The following GAS6 variants were observed in gnomAD, a reference collection of about 807,000 sequenced individuals.
GAS6 encodes growth arrest specific 6, also known as growth arrest-specific protein 6.
GAS6 carries 41 observed loss-of-function variants against 75.8 expected under a neutral mutation model. The observed-to-expected ratio is 0.54, with a 90% confidence interval of 0.42 to 0.70. GAS6 has a LOEUF of 0.70. Among genes scored for constraint, GAS6 ranks in the 30% least tolerant of loss-of-function variants. GAS6 has a pLI of 0.00. For missense variants in GAS6, 854 were observed against 940.2 expected (o/e 0.91, Z 1.20); for synonymous variants, 432 against 412.6 (o/e 1.05, Z -0.57).
chr13:113,848,961 G>A lies in GAS6; in HGVS notation c.256-911C>T, dbSNP rs2051854147. Among the ~76,000 whole-genome samples the A allele has an allele frequency of 6.6e-6, 1 of 152,356 alleles. No homozygotes were observed. The highest frequency in any genetic ancestry group is 2.4e-5 in the African/African-American group (1 of 41,580). On this transcript the variant is annotated intron_variant, in intron 2 of 14. Transcript: ENST00000327773. The surrounding 1 kb of genome is among the most constrained non-coding windows in gnomAD (Gnocchi z 4.8). Reference sequence around the variant, plus strand: ...AGCATTTTGCAGAGTAGCAGACAGAGGCGGTAGGTACCCAGCGCCGTCTGC... The same window carrying A: ...AGCATTTTGCAGAGTAGCAGACAGAAGCGGTAGGTACCCAGCGCCGTCTGC...
chr13:113,828,466 G>C, intron 11 of GAS6, 81 bp downstream of exon 11: 1 of 1,434,884 alleles, frequency 7.0e-7, no homozygotes, highest in Non-Finnish European at 9.6e-7. Flanking sequence ...ACACAGGGCA[G>C]GGTGTGACTG....
chr13:113,846,646 G>A (rs2051836097), intron 3 of GAS6, 57 bp from the exon 4 acceptor site: 3 of 1,452,920 alleles, frequency 2.1e-6, no homozygotes, highest in South Asian at 2.3e-5. Flanking sequence ...ATGGACTGCA[G>A]AGCCTCTGCT....
In GAS6 at chr13:113,848,174, G is replaced by A. The variant is rs1020446457; in HGVS notation, c.256-124C>T. On this transcript the variant is annotated intron_variant, in intron 2 of 14. Coordinates refer to ENST00000327773, the MANE Select transcript of GAS6 (RefSeq NM_000820.4). This position sits in a 1 kb window ranked among gnomAD's most constrained non-coding sequence, Gnocchi z 4.8. ...GGGCAGCCAGAGGGCCGCCCCACCC[G>A]GGGAACTGAGGGGAAGTGACCGGGG... 12 of 928,422 alleles carry A rather than the reference G, an allele frequency of 1.3e-5. No individual in the cohort carries two copies. The highest frequency in any genetic ancestry group is 3.0e-5 in the South Asian group (2 of 67,726). The allele number at this position is 928,422 out of a possible 1,614,324, so 57.5% of individuals were successfully genotyped here. A position where few individuals can be genotyped will look rare whatever the true frequency, so the allele number is the denominator to read the frequency against.
At chr13:113,861,007 C>G (rs2051966928) in intron 2 of GAS6, among the ~76,000 whole-genome samples, 1 of 151,258 alleles carries the variant, frequency 6.6e-6, no homozygotes, top group Non-Finnish European at 1.5e-5. Flanking sequence ...GGTTAGCACA[C>G]AAGTGAGCCT....
Position 113,839,772 on chromosome 13 carries a change from A to G in GAS6, c.422T>C (p.Phe141Ser), listed in dbSNP as rs1387400476. The G allele has an allele frequency of 1.2e-6, 2 of 1,613,888 alleles. No individual in the cohort carries two copies. The highest frequency in any genetic ancestry group is 1.7e-6 in the Non-Finnish European group (2 of 1,180,004). ...QACQDLMGNF[F>S]CLCKAGWGGR... ...CCCCCAGCCAGCTTTACACAGGCAGAAGAAGTTGCCCATGAGGTCCTGGCA... is the reference window on the plus strand; with the variant it reads ...CCCCCAGCCAGCTTTACACAGGCAGGAGAAGTTGCCCATGAGGTCCTGGCA... Residue 141 changes from phenylalanine to serine, a missense_variant, in exon 5 of 15, where the codon TTC becomes TCC. Transcript: ENST00000327773.
chr13:113,821,243 C>T (rs2051453964), intron 14 of GAS6: 1 of 585,066 alleles, frequency 1.7e-6, no homozygotes, highest in Non-Finnish European at 3.1e-6. Flanking sequence ...GCCCTCCCTT[C>T]CCCGCTGGGA....
rs555027211 is a variant in GAS6 at position 113,820,848 on chromosome 13, C to T, written c.*16G>A. ...CTCGGACAGAGACTGAGAAGCCTGC[C>T]GCGTCCCGTGGGGGCCTAGGCTGCG... On this transcript the variant is annotated 3_prime_UTR_variant, in exon 15 of 15. Transcript: ENST00000327773. 43 of 1,605,792 alleles carry T rather than the reference C, an allele frequency of 2.7e-5. No individual in the cohort carries two copies. The highest frequency in any genetic ancestry group is 2.1e-4 in the Middle Eastern group (1 of 4,814).
chr13:113,842,324 G>C, intron 4 of GAS6: 2 of 350,828 alleles, frequency 5.7e-6, no homozygotes, highest in Non-Finnish European at 1.0e-5. Flanking sequence ...GTGTTTCTAA[G>C]ATGCTATTTT....
At chr13:113,850,952 T>C (rs1257215933) in intron 2 of GAS6, among the ~76,000 whole-genome samples, 1 of 152,042 alleles carries the variant, frequency 6.6e-6, no homozygotes, top group Non-Finnish European at 1.5e-5. Flanking sequence ...GACAGATGCA[T>C]GGATGGATAA....
At chr13:113,828,333 G>T (rs2051580770) in intron 11 of GAS6, among the ~76,000 whole-genome samples, 1 of 152,178 alleles carries the variant, frequency 6.6e-6, no homozygotes, top group African/African-American at 2.4e-5. Context: ...TATCAATTCA[G>T]ATGAAAACTT....
intron 2 of GAS6, among the ~76,000 whole-genome samples, chr13:113,860,885 G>A (rs370161951): frequency 7.9e-4 from 120 of 152,300 alleles, no homozygotes; most frequent in African/African-American, 2.7e-3. Flanking sequence ...TCCGCCTGCT[G>A]GAAGGTGGGG....
At position 113,842,245 on chromosome 13, in the gene GAS6, G is replaced by A. The variant is rs57033216; in HGVS notation, c.344-2395C>T. 853 of 182,844 alleles carry A rather than the reference G, an allele frequency of 4.7e-3. 77 individuals carry two copies. The highest frequency in any genetic ancestry group is 0.026 in the African/African-American group (824 of 32,066). The allele number at this position is 182,844 out of a possible 1,614,324, so 11.3% of individuals were successfully genotyped here. A position where few individuals can be genotyped will look rare whatever the true frequency, so the allele number is the denominator to read the frequency against. Reference sequence around the variant, plus strand: ...CCCACAGTTTCCTCCCTACACCTCCGTTTGCTTGTTTTGCACAAATGACTG... The same window carrying A: ...CCCACAGTTTCCTCCCTACACCTCCATTTGCTTGTTTTGCACAAATGACTG... On this transcript the variant is annotated intron_variant, in intron 4 of 14. Transcript: ENST00000327773.
In GAS6 at chr13:113,842,045, G is replaced by A. The variant is rs1256478398; in HGVS notation, c.344-2195C>T. The A allele has an allele frequency of 2.1e-4, 20 of 93,864 alleles. 3 individuals carry two copies. Among genetic ancestry groups the A allele is most frequent in the Admixed American group, 3.3e-4 (3 of 9,152 alleles). 5.8% of individuals were successfully genotyped at this position (93,864 alleles called of 1,614,324 possible). A position where few individuals can be genotyped will look rare whatever the true frequency, so the allele number is the denominator to read the frequency against. On this transcript the variant is annotated intron_variant, in intron 4 of 14. Transcript: ENST00000327773. Reference sequence around the variant, plus strand: ...CCATACGCCCCAGTTTCCTCCATACGCCTCAATTTCCTTTGTACGCCCCAG... The same window carrying A: ...CCATACGCCCCAGTTTCCTCCATACACCTCAATTTCCTTTGTACGCCCCAG...
At chr13:113,851,423 G>GTGAATGGATGGACAGATGAA (rs2051874495) in intron 2 of GAS6, among the ~76,000 whole-genome samples, 1 of 151,762 alleles carries the variant, frequency 6.6e-6, no homozygotes, top group Non-Finnish European at 1.5e-5. Context: ...GGGTGGATAG[G>GTGAATGGATGGACAGATGAA]TGAATGGATG....
At chr13:113,825,818 G>A (rs74649869) in intron 12 of GAS6, among the ~76,000 whole-genome samples, 235 of 141,896 alleles carry the variant, frequency 1.7e-3, no homozygotes, top group East Asian at 0.016. Flanking sequence ...TTTGACACCC[G>A]GGGGGAGACG....
intron 8 of GAS6, chr13:113,833,241 C>T: frequency 2.8e-6 from 3 of 1,060,192 alleles, no homozygotes; most frequent in Non-Finnish European, 2.3e-6. Flanking sequence ...GCCAGGCCTG[C>T]CCTGCCCACC....
intron 12 of GAS6, among the ~76,000 whole-genome samples, chr13:113,826,506 TCGCA>T (rs2051545270): frequency 1.7e-5 from 2 of 119,650 alleles, no homozygotes; most frequent in African/African-American, 3.1e-5. Flanking sequence ...GGCGCCGGCC[TCGCA>T]GGCACCTTCT....
In GAS6 at chr13:113,834,561, T is replaced by C. The variant is rs2138635184; in HGVS notation, c.824A>G (p.Asp275Gly). The C allele has an allele frequency of 1.3e-6, 2 of 1,590,594 alleles. No individual in the cohort carries two copies. The highest frequency in any genetic ancestry group is 2.3e-5 in the East Asian group (1 of 43,466). ...CCAGGGGCCGCCTACCTCACAGGTG[T>C]CCATGTCCTGGGACAGCTTGAGGCC... ...RGGLKLSQDM[D>G]TCEDILPCVP... The change falls in exon 8 of 15, where the codon GAC becomes GGC. Residue 275 changes from aspartate to glycine, a missense_variant. Physicochemically the swap from Asp to Gly is moderately conservative, Grantham distance 94. Coordinates refer to ENST00000327773, the MANE Select transcript of GAS6 (RefSeq NM_000820.4).
chr13:113,854,437 T>G (rs571729494), intron 2 of GAS6, among the ~76,000 whole-genome samples: 1 of 152,052 alleles, frequency 6.6e-6, no homozygotes, highest in East Asian at 1.9e-4. Flanking sequence ...ACGCCGAGAC[T>G]CCCCCTGCAT....
Sources: allele counts gnomAD v4.1 joint callset (sites outside exome capture counted in the v4.1 genomes callset), GRCh38; gene constraint gnomAD v4.1.1; non-coding constraint Gnocchi (gnomAD v3.1); transcripts MANE v1.5; gene names NCBI Gene and HGNC (gene_info 2026-07-23, HGNC 2026-07-21).